Variants in GFRAL observed in about 807,000 individuals in gnomAD.
GFRAL encodes the protein GDNF family receptor alpha-like.
A neutral mutation model predicts 45.4 loss-of-function variants in GFRAL; 36 were observed. The observed-to-expected ratio is 0.79, with a 90% CI of 0.61 to 1.05. The LOEUF (loss-of-function observed/expected upper bound fraction) is 1.05. Among genes scored for constraint, GFRAL ranks in the 50% least tolerant of loss-of-function variants. The pLI is 0.00. For missense variants in GFRAL, 507 were observed against 467.5 expected (o/e 1.08, Z -0.78); for synonymous variants, 166 against 154.1 (o/e 1.08, Z -0.57).
chr6:55,369,732 G>T (rs1378637191), intron 6 of GFRAL, among the ~76,000 whole-genome samples: 1 of 152,094 alleles, frequency 6.6e-6, no homozygotes, highest in Non-Finnish European at 1.5e-5. Context: ...ATTTTAATGA[G>T]AAAGTTTCAA....
At chr6:55,377,134 C>T (rs114639134) in intron 6 of GFRAL, among the ~76,000 whole-genome samples, 4,398 of 152,108 alleles carry the variant, frequency 0.029, 86 homozygotes, top group African/African-American at 0.05. Flanking sequence ...ATCTGATCTC[C>T]TTTGCAAATT....
chr6:55,359,164 GTCTA>G (rs60419272), intron 6 of GFRAL, 26 bp downstream of exon 6: 224 of 1,370,198 alleles, frequency 1.6e-4, no homozygotes, highest in East Asian at 8.9e-4. Context: ...AAAATTATCT[GTCTA>G]TCTATCTATC....
At chr6:55,351,911 T>G (rs2036409) in intron 5 of GFRAL, among the ~76,000 whole-genome samples, 4,540 of 152,194 alleles carry the variant, frequency 0.03, 211 homozygotes, top group African/African-American at 0.1. Flanking sequence ...TAATTTTTTT[T>G]TTGTTGTTTG....
At chr6:55,329,890 T>G (rs1034477352) in intron 1 of GFRAL, among the ~76,000 whole-genome samples, 2 of 152,142 alleles carry the variant, frequency 1.3e-5, no homozygotes, top group African/African-American at 4.8e-5. Flanking sequence ...TTGAAGCCTA[T>G]CACTCTACAT....
At chr6:55,382,063 T>C (rs1254460410) in intron 6 of GFRAL, among the ~76,000 whole-genome samples, 4 of 151,868 alleles carry the variant, frequency 2.6e-5, no homozygotes, top group Non-Finnish European at 5.9e-5. Flanking sequence ...GTCCAGGTGC[T>C]AAAAAAGCTT....
At position 55,359,074 on chromosome 6, in the gene GFRAL, T is replaced by G. The variant is rs1432106037; in HGVS notation, c.888T>G (p.Ile296Met). 1.2e-6 allele frequency: 2 copies of G among 1,612,834 alleles called. No homozygotes were observed. The highest frequency in any genetic ancestry group is 1.7e-5 in the Admixed American group (1 of 59,844). The change falls in exon 6 of 9, where the codon ATT becomes ATG. Residue 296 changes from isoleucine (I) to methionine (M), a missense_variant. By Grantham distance (10) the Ile-to-Met change is conservative (BLOSUM62 1). Coordinates refer to ENST00000340465, the MANE Select transcript of GFRAL (RefSeq NM_207410.2). The stretch of plus-strand genomic sequence containing the variant: ...AAGTGCAATGTACCTGTAGGACCAT[T>G]ACACAAAGTGAGGAATCTTTGTGTA... ...VLQVQCTCRT[I>M]TQSEESLCKI...
intron 6 of GFRAL, among the ~76,000 whole-genome samples, chr6:55,372,019 G>A (rs1383349808): frequency 2.0e-5 from 3 of 152,154 alleles, no homozygotes; most frequent in Admixed American, 6.5e-5. Context: ...CACAAAAGCA[G>A]CTTTCCCATA....
Position 55,337,014 on chromosome 6 carries a change from G to C in GFRAL, c.316+3070G>C, listed in dbSNP as rs181239806. On this transcript the variant is annotated intron_variant, in intron 3 of 8. Transcript: ENST00000340465. ...CATTTATCTTTTCCTTTTTTGGGGAGTATTTCTATTTTTCTGGCCATTTTA... is the reference window on the plus strand; with the variant it reads ...CATTTATCTTTTCCTTTTTTGGGGACTATTTCTATTTTTCTGGCCATTTTA... Among the ~76,000 whole-genome samples, 373 of 151,958 alleles carry C rather than the reference G, an allele frequency of 2.5e-3. 3 individuals are homozygous for C. The highest frequency in any genetic ancestry group is 8.7e-3 in the African/African-American group (360 of 41,478).
intron 3 of GFRAL, among the ~76,000 whole-genome samples, chr6:55,335,549 A>G (rs2127350495): frequency 6.6e-6 from 1 of 152,260 alleles, no homozygotes; most frequent in East Asian, 1.9e-4. Flanking sequence ...TTCTCATAAG[A>G]TCTAGAAATG....
At chr6:55,393,568 G>C (rs1768782684) in intron 6 of GFRAL, among the ~76,000 whole-genome samples, 2 of 152,182 alleles carry the variant, frequency 1.3e-5, no homozygotes, top group Admixed American at 1.3e-4. Flanking sequence ...TCTAGGAAGA[G>C]GCAATAGCAA....
Position 55,339,674 on chromosome 6 carries a change from G to A in GFRAL, c.316+5730G>A, listed in dbSNP as rs1581900697. Among the ~76,000 whole-genome samples the A allele has an allele frequency of 2.0e-5, 3 of 152,052 alleles. No individual in the cohort carries two copies. The South Asian group carries it at 6.2e-4, about 32-fold the overall frequency. On this transcript the variant is annotated intron_variant, in intron 3 of 8. Transcript: ENST00000340465. ...AATTCTGAAAAGTCAAAAAAGATAG[G>A]GACTGATAATGGCATTAATTTGCTA...
At chr6:55,330,250 T>G (rs1329159731) in intron 1 of GFRAL, among the ~76,000 whole-genome samples, 2 of 152,170 alleles carry the variant, frequency 1.3e-5, no homozygotes, top group African/African-American at 4.8e-5. Context: ...AAACATCTAA[T>G]AACTTGGGTA....
rs201980240 is a variant in GFRAL at position 55,399,540 on chromosome 6, T to G, written c.1121+99T>G. 4.9e-4 allele frequency: 400 copies of G among 809,430 alleles called. 6 individuals carry two copies. In the Admixed American group the frequency reaches 6.2e-3, roughly 13 times the overall value. The allele number at this position is 809,430 out of a possible 1,614,324, so 50.1% of individuals were successfully genotyped here. ...GCTGAGCTTACAAAGAGCCTGAGAA[T>G]GAAAGCTTCTCTGTTAAGACATATT... On this transcript the variant is annotated intron_variant, in intron 8 of 8. Coordinates refer to ENST00000340465, the MANE Select transcript of GFRAL (RefSeq NM_207410.2).
chr6:55,330,680 C>T (rs181498460), intron 1 of GFRAL, among the ~76,000 whole-genome samples: 21 of 152,074 alleles, frequency 1.4e-4, no homozygotes, highest in Admixed American at 7.2e-4. Flanking sequence ...CCAGATTGCA[C>T]ATGGTGAGGA....
intron 6 of GFRAL, among the ~76,000 whole-genome samples, chr6:55,370,514 T>G (rs1313068259): frequency 6.6e-6 from 1 of 152,194 alleles, no homozygotes; most frequent in East Asian, 1.9e-4. Flanking sequence ...AGCTGGCATA[T>G]GTTAGGATTT....
intron 2 of GFRAL, 125 bp downstream of exon 2, chr6:55,331,974 C>T (rs961069648): frequency 1.2e-6 from 1 of 809,946 alleles, no homozygotes. Context: ...ATCTTGACCC[C>T]CATCGATTCA....
chr6:55,374,091 A>G (rs1195100874), intron 6 of GFRAL, among the ~76,000 whole-genome samples: 1 of 152,156 alleles, frequency 6.6e-6, no homozygotes, highest in Non-Finnish European at 1.5e-5. Flanking sequence ...ATTCCTTTTT[A>G]TGGCTGCATA....
intron 2 of GFRAL, 105 bp from the exon 3 acceptor site, chr6:55,333,681 A>C: frequency 1.2e-5 from 7 of 600,444 alleles, no homozygotes; most frequent in Non-Finnish European, 1.3e-5. Flanking sequence ...TAATCTTACC[A>C]TATTAATTAA....
intron 6 of GFRAL, among the ~76,000 whole-genome samples, chr6:55,361,793 C>T (rs1330283081): frequency 6.6e-6 from 1 of 152,012 alleles, no homozygotes; most frequent in Non-Finnish European, 1.5e-5. Flanking sequence ...CATGAATTTT[C>T]AAAAGATCGG....
Sources: gnomAD v4.1 joint callset for allele counts (sites outside exome capture counted in the v4.1 genomes callset) on GRCh38, gnomAD v4.1.1 for gene constraint, MANE v1.5 for transcripts, NCBI Gene and HGNC (gene_info 2026-07-23, HGNC 2026-07-21) for gene names.